Variants in PRKCB observed in about 807,000 individuals in gnomAD.
PRKCB encodes the protein protein kinase C beta, also known as protein kinase C beta type.
Under a neutral mutation model 81.5 loss-of-function variants are expected in PRKCB, and 13 were observed. The ratio of observed to expected loss-of-function variants is 0.16; its 90% CI spans 0.10 to 0.25. The LOEUF (loss-of-function observed/expected upper bound fraction) is 0.25, where lower values mean the gene tolerates loss of function less well. Ranked by LOEUF, PRKCB falls within the 10% of genes least tolerant of loss-of-function variation. PRKCB has a pLI of 1.00. For missense variants in PRKCB, 509 were observed against 875.7 expected (o/e 0.58, Z 5.29); for synonymous variants, 335 against 321.4 (o/e 1.04, Z -0.45).
intron 2 of PRKCB, among the ~76,000 whole-genome samples, chr16:23,947,630 A>C (rs935293952): frequency 1.3e-5 from 2 of 152,168 alleles, no homozygotes; most frequent in Non-Finnish European, 1.5e-5. Context: ...GGGGGTCTTC[A>C]GAGATACATA....
intron 5 of PRKCB, among the ~76,000 whole-genome samples, chr16:24,045,604 T>C (rs939772324): frequency 3.3e-5 from 5 of 151,916 alleles, no homozygotes; most frequent in East Asian, 1.9e-4. Flanking sequence ...TCAGTTTCAG[T>C]TGAAGCTAAT....
intron 2 of PRKCB, among the ~76,000 whole-genome samples, chr16:23,922,256 TG>T (rs769343736): frequency 2.0e-5 from 3 of 152,160 alleles, no homozygotes; most frequent in Non-Finnish European, 4.4e-5. Flanking sequence ...ACAGAGGTGG[TG>T]GCAGGAACCC....
chr16:24,055,851 C>T (rs1020266144), intron 5 of PRKCB, among the ~76,000 whole-genome samples: 1 of 152,168 alleles, frequency 6.6e-6, no homozygotes, highest in African/African-American at 2.4e-5. Context: ...CTCTCTCTCT[C>T]TCGAAATATA....
In PRKCB at chr16:24,185,547, G is replaced by A. The variant is rs761943712; in HGVS notation, c.1702G>A (p.Ala568Thr). The change falls in exon 15 of 17, where the codon GCT becomes ACT. Residue 568 changes from alanine (A) to threonine (T), a missense_variant. Ala to Thr is a moderately conservative substitution (Grantham distance 58). Coordinates refer to ENST00000643927, the MANE Select transcript of PRKCB (RefSeq NM_002738.7). The part of the protein sequence containing the change: ...VAYPKSMSKE[A>T]VAICKGLMTK... ...CTATCCCAAGTCTATGTCCAAGGAA[G>A]CTGTGGCCATCTGCAAAGGGGTAAG... 6.2e-7 allele frequency: 1 copy of A among 1,613,942 alleles called. No individual in the cohort carries two copies. Among genetic ancestry groups the A allele is most frequent in the East Asian group, 2.2e-5 (1 of 44,888 alleles).
At chr16:23,991,025 G>T (rs1290725957) in intron 3 of PRKCB, among the ~76,000 whole-genome samples, 1 of 152,100 alleles carries the variant, frequency 6.6e-6, no homozygotes, top group East Asian at 1.9e-4. Context: ...TCTCCCATTG[G>T]CTTTGTCTCC....
Position 23,990,085 on chromosome 16 carries a change from C to T in PRKCB, c.288+1495C>T, listed in dbSNP as rs151330150. ...GGCAGAGTGGAAAACTTAAAAGAAC[C>T]GTGGGTCCATGATGATGCTGATGAG... is the stretch of plus-strand genomic sequence containing the variant. On this transcript the variant is annotated intron_variant, in intron 3 of 16. Transcript: ENST00000643927. 3.9e-5 allele frequency among the ~76,000 whole-genome samples: 6 copies of T among 152,214 alleles called. No homozygotes were observed. The South Asian group carries it at 6.2e-4, about 16-fold the overall frequency.
At chr16:23,844,726 A>G (rs1567287377) in intron 2 of PRKCB, among the ~76,000 whole-genome samples, 1 of 149,274 alleles carries the variant, frequency 6.7e-6, no homozygotes, top group Admixed American at 6.7e-5. Flanking sequence ...CCAGGATGGT[A>G]TCGATCTCCT....
intron 2 of PRKCB, among the ~76,000 whole-genome samples, chr16:23,949,299 G>A (rs915893847): frequency 1.3e-5 from 2 of 152,212 alleles, no homozygotes; most frequent in Non-Finnish European, 2.9e-5. Flanking sequence ...CTTAGATAAG[G>A]AAGAGAAAGG....
intron 2 of PRKCB, among the ~76,000 whole-genome samples, chr16:23,852,449 A>G (rs909348793): frequency 2.0e-5 from 3 of 152,182 alleles, no homozygotes; most frequent in African/African-American, 7.2e-5. Flanking sequence ...CCATCCTTGC[A>G]TCCCAGGGAG....
At position 24,053,597 on chromosome 16, in the gene PRKCB, C is replaced by A. The variant is rs892071689; in HGVS notation, c.529+18050C>A. 3.9e-5 allele frequency among the ~76,000 whole-genome samples: 6 copies of A among 152,112 alleles called. No individual in the cohort carries two copies. In the South Asian group the frequency reaches 6.2e-4, roughly 16 times the overall value. On this transcript the variant is annotated intron_variant, in intron 5 of 16. Transcript: ENST00000643927. ...ACGGAAAAAGAGGATGGGAAGGAGG[C>A]AGGAGGGGACTGGACCTGCACATTT...
intron 5 of PRKCB, among the ~76,000 whole-genome samples, chr16:24,084,561 C>T (rs1966289795): frequency 6.6e-6 from 1 of 151,928 alleles, no homozygotes; most frequent in South Asian, 2.1e-4. Flanking sequence ...GAATCCTGAA[C>T]CCTTCAATAA....
At chr16:24,097,060 G>A (rs1473435925) in intron 7 of PRKCB, among the ~76,000 whole-genome samples, 24 of 114,700 alleles carry the variant, frequency 2.1e-4, no homozygotes, top group Non-Finnish European at 1.2e-4. Context: ...TTTTTGAGAC[G>A]GAGTCTTGCT....
At chr16:24,078,077 T>G (rs1480681464) in intron 5 of PRKCB, among the ~76,000 whole-genome samples, 2 of 152,262 alleles carry the variant, frequency 1.3e-5, no homozygotes, top group African/African-American at 4.8e-5. Flanking sequence ...GCTTGGGTTG[T>G]GCAGAGCTGC....
intron 5 of PRKCB, among the ~76,000 whole-genome samples, chr16:24,078,170 T>C (rs1966204262): frequency 1.3e-5 from 2 of 152,228 alleles, no homozygotes; most frequent in Admixed American, 1.3e-4. Flanking sequence ...TTAGTATTTA[T>C]GTCACATCTT....
At position 24,068,585 on chromosome 16, in the gene PRKCB, C is replaced by G. The variant is rs562761778; in HGVS notation, c.530-24206C>G. 4.0e-5 allele frequency among the ~76,000 whole-genome samples: 6 copies of G among 151,638 alleles called. No individual in the cohort carries two copies. In the South Asian group the frequency reaches 8.4e-4, roughly 21 times the overall value. On this transcript the variant is annotated intron_variant, in intron 5 of 16. Transcript: ENST00000643927. ...TTTTTATCTGGCTTTTATAGTTGCT[C>G]TCAGTGGGAGAGCTACTTTATCATT...
At chr16:24,077,574 C>T (rs181388066) in intron 5 of PRKCB, among the ~76,000 whole-genome samples, 9 of 152,316 alleles carry the variant, frequency 5.9e-5, no homozygotes, top group Admixed American at 3.3e-4. Flanking sequence ...CATCCATCCA[C>T]TCAGCCAACT....
chr16:24,025,579 A>G (rs1965468166), intron 3 of PRKCB, among the ~76,000 whole-genome samples: 1 of 152,178 alleles, frequency 6.6e-6, no homozygotes, highest in African/African-American at 2.4e-5. Flanking sequence ...TGTGGAAGAG[A>G]TGCAATTAAG....
Position 24,217,417 on chromosome 16 carries a change from G to A in PRKCB, c.*2601G>A. The A allele has an allele frequency of 5.1e-6, 5 of 985,398 alleles. No homozygotes were observed. In the South Asian group the frequency reaches 1.9e-4, roughly 37 times the overall value. The allele number at this position is 985,398 out of a possible 1,614,324, so 61.0% of individuals were successfully genotyped here. On this transcript the variant is annotated 3_prime_UTR_variant, in exon 17 of 17. Coordinates refer to ENST00000643927, the MANE Select transcript of PRKCB (RefSeq NM_002738.7). Reference sequence around the variant, plus strand: ...GGGCCATAGCAACAAGGACCTTCTTGGGGGATTAATGGGAGGTCAGTAGAA... The same window carrying A: ...GGGCCATAGCAACAAGGACCTTCTTAGGGGATTAATGGGAGGTCAGTAGAA...
chr16:24,025,637 A>G (rs942514972), intron 3 of PRKCB, among the ~76,000 whole-genome samples: 1 of 152,242 alleles, frequency 6.6e-6, no homozygotes, highest in South Asian at 2.1e-4. Context: ...GAGAGGATTT[A>G]GAATATAAGT....
Sources: allele counts gnomAD v4.1 joint callset (sites outside exome capture counted in the v4.1 genomes callset), GRCh38; gene constraint gnomAD v4.1.1; transcripts MANE v1.5; gene names NCBI Gene and HGNC (gene_info 2026-07-23, HGNC 2026-07-21).